SIDT1: variants seen among roughly 807,000 people sequenced by gnomAD.
SIDT1 encodes the protein SID1 transmembrane family member 1.
SIDT1 carries 101 observed loss-of-function variants against 107.5 expected under a neutral mutation model. The observed-to-expected ratio is 0.94, with a 90% CI of 0.80 to 1.11. The LOEUF is 1.11. Among genes scored for constraint, SIDT1 ranks in the 50% least tolerant of loss-of-function variants. The pLI is 0.00. For missense variants in SIDT1, 1,076 were observed against 1,058.2 expected, an observed-to-expected ratio of 1.02 and a Z score of -0.23; for synonymous variants, 395 against 398.2, an observed-to-expected ratio of 0.99 and a Z score of 0.10.
chr3:113,567,710 G>A lies in SIDT1; in HGVS notation c.515G>A (p.Arg172Gln), dbSNP rs148646920. The A allele has an allele frequency of 9.7e-4, 1,566 of 1,613,058 alleles. 2 individuals carry two copies. Among genetic ancestry groups the A allele is most frequent in the Non-Finnish European group, 1.3e-3 (1,495 of 1,179,580 alleles). The change falls in exon 3 of 25, where the codon CGG (arginine) becomes CAG (glutamine). Residue 172 changes from arginine (R) to glutamine (Q), a missense_variant and splice_region_variant. Transcript: ENST00000264852. ...LVTKLKHFQL[R>Q]TNVAFHFTAS... The stretch of plus-strand genomic sequence containing the variant: ...ACCAAGCTGAAGCACTTCCAGCTCC[G>A]GTAAGCGGGACTTTCTCTGTTTACC...
chr3:113,595,223 G>A (rs1560093936), intron 10 of SIDT1, among the ~76,000 whole-genome samples: 1 of 152,074 alleles, frequency 6.6e-6, no homozygotes. Flanking sequence ...ATGTTTAATA[G>A]CATCCTTCAC....
chr3:113,544,171 TTTTGTTTGTTTGTTTG>T lies in SIDT1; in HGVS notation c.222+10952_222+10967del, dbSNP rs139256393. On this transcript the variant is annotated intron_variant, in intron 1 of 24. Coordinates refer to ENST00000264852, the MANE Select transcript of SIDT1 (RefSeq NM_017699.3). ...CATTGCATTTAATTATCATGAGTCT[TTTTGTTTGTTTGTTTG>T]TTTGTTTGTTTGTTTGTTTGTTTAA... is the stretch of plus-strand genomic sequence containing the variant. 2.3e-3 allele frequency among the ~76,000 whole-genome samples: 298 copies of T among 131,808 alleles called. 2 individuals are homozygous for T. Among genetic ancestry groups the T allele is most frequent in the African/African-American group, 8.8e-3 (282 of 31,928 alleles). 86.5% of individuals were successfully genotyped at this position (131,808 alleles called of 152,430 possible).
At chr3:113,562,014 A>G (rs1277965888) in intron 1 of SIDT1, among the ~76,000 whole-genome samples, 3 of 152,334 alleles carry the variant, frequency 2.0e-5, no homozygotes, top group East Asian at 3.9e-4. Context: ...GAGTGTCTGT[A>G]TTACAGCCTC....
chr3:113,593,962 C>T (rs182984323), intron 10 of SIDT1, among the ~76,000 whole-genome samples: 282 of 152,274 alleles, frequency 1.9e-3, no homozygotes, highest in Non-Finnish European at 3.5e-3. Flanking sequence ...TAAATGTCCT[C>T]ATTTTTGAAA....
Position 113,533,194 on chromosome 3 carries a change from T to C in SIDT1, c.173T>C (p.Leu58Pro). Reference sequence around the variant, plus strand: ...CATGTCTACAGCGGGGTGGTGAACCTCAGCACCGAGAACATCTACTCTTTC... The same window carrying C: ...CATGTCTACAGCGGGGTGGTGAACCCCAGCACCGAGAACATCTACTCTTTC... The part of the protein sequence containing the change: ...FDHVYSGVVN[L>P]STENIYSFNY... The change falls in exon 1 of 25, where the codon CTC becomes CCC. Residue 58 changes from leucine to proline, a missense_variant. Leu to Pro is a moderately conservative substitution (Grantham distance 98). Transcript: ENST00000264852. 6.4e-7 allele frequency: 1 copy of C among 1,562,204 alleles called. No homozygotes were observed. Among genetic ancestry groups the C allele is most frequent in the Non-Finnish European group, 8.7e-7 (1 of 1,155,448 alleles).
intron 1 of SIDT1, among the ~76,000 whole-genome samples, chr3:113,544,659 C>G (rs1410338516): frequency 6.6e-6 from 1 of 152,174 alleles, no homozygotes; most frequent in African/African-American, 2.4e-5. Context: ...ACATTTTTGA[C>G]ATAACACGCA....
intron 1 of SIDT1, among the ~76,000 whole-genome samples, chr3:113,541,304 G>A (rs1358430938): frequency 1.3e-5 from 2 of 152,048 alleles, no homozygotes; most frequent in East Asian, 3.9e-4. Context: ...TGAGTAGCTG[G>A]GATTACAGGC....
downstream of SIDT1, among the ~76,000 whole-genome samples, chr3:113,631,567 G>A (rs561355463): frequency 1.3e-5 from 2 of 152,204 alleles, no homozygotes; most frequent in South Asian, 2.1e-4. Context: ...AAGTTTTAAT[G>A]TCTCCTCAAT....
intron 1 of SIDT1, among the ~76,000 whole-genome samples, chr3:113,540,834 T>G (rs1206141581): frequency 2.6e-5 from 4 of 152,158 alleles, no homozygotes; most frequent in Non-Finnish European, 4.4e-5. Context: ...ATAATGCCCT[T>G]AGTCTCCCCT....
intron 20 of SIDT1, among the ~76,000 whole-genome samples, chr3:113,618,412 TA>T (rs1946246993): frequency 1.3e-5 from 2 of 152,348 alleles, no homozygotes; most frequent in Admixed American, 1.3e-4. Flanking sequence ...TGTGTGGACG[TA>T]AGTTTTCAAC....
intron 23 of SIDT1, 73 bp downstream of exon 23, chr3:113,623,806 C>T (rs906315841): frequency 2.1e-6 from 2 of 961,522 alleles, no homozygotes; most frequent in Admixed American, 1.8e-5. Context: ...CTACCTCCCT[C>T]TCTTAATGTG....
chr3:113,610,993 C>T lies in SIDT1; in HGVS notation c.1721-15C>T. 6.2e-7 allele frequency: 1 copy of T among 1,612,546 alleles called. No individual in the cohort carries two copies. The highest frequency in any genetic ancestry group is 8.5e-7 in the Non-Finnish European group (1 of 1,179,176). On this transcript the variant is annotated splice_polypyrimidine_tract_variant and intron_variant, in intron 17 of 24. Coordinates refer to ENST00000264852, the MANE Select transcript of SIDT1 (RefSeq NM_017699.3). ...ACTGAATCCTGATCATCTGGCTCCT[C>T]CTTTGGGTCCTCAGACACCTCCTTC...
intron 10 of SIDT1, chr3:113,601,259 A>C (rs962957179): frequency 1.5e-5 from 3 of 193,634 alleles, no homozygotes; most frequent in African/African-American, 4.6e-5. Flanking sequence ...CACCAATGGA[A>C]ATGATGGCTG....
intron 1 of SIDT1, among the ~76,000 whole-genome samples, chr3:113,550,967 A>T (rs556714377): frequency 6.6e-6 from 1 of 152,120 alleles, no homozygotes; most frequent in East Asian, 1.9e-4. Flanking sequence ...CTATGTGTCC[A>T]TGTGTTCTCA....
intron 7 of SIDT1, 59 bp from the exon 8 acceptor site, chr3:113,584,638 CA>C: frequency 1.1e-4 from 134 of 1,219,114 alleles, no homozygotes; most frequent in African/African-American, 1.2e-4. Flanking sequence ...GACAAGAGAC[CA>C]AAAAAAATCA....
At chr3:113,610,575 A>C (rs114562356) in intron 17 of SIDT1, among the ~76,000 whole-genome samples, 3,239 of 152,242 alleles carry the variant, frequency 0.021, 55 homozygotes, top group South Asian at 0.03. Flanking sequence ...ATTATATTTT[A>C]GGGTGCTGAG....
intron 3 of SIDT1, among the ~76,000 whole-genome samples, chr3:113,575,255 G>A (rs765393162): frequency 3.9e-5 from 6 of 152,222 alleles, no homozygotes; most frequent in African/African-American, 7.2e-5. Flanking sequence ...ATGAGGAACC[G>A]ATGGACTTGA....
chr3:113,621,820 C>A (rs1946480592), intron 21 of SIDT1, among the ~76,000 whole-genome samples: 1 of 152,200 alleles, frequency 6.6e-6, no homozygotes, highest in African/African-American at 2.4e-5. Flanking sequence ...ACTAGCCCAG[C>A]ATTGTCCATT....
chr3:113,592,972 G>C (rs1384738346), intron 9 of SIDT1, 33 bp from the exon 10 acceptor site: 2 of 1,563,702 alleles, frequency 1.3e-6, no homozygotes, highest in Admixed American at 3.3e-5. Context: ...GGTTTTCACT[G>C]TCTTAGGAGC....
Sources: gnomAD v4.1 joint callset for allele counts (sites outside exome capture counted in the v4.1 genomes callset) on GRCh38, gnomAD v4.1.1 for gene constraint, MANE v1.5 for transcripts, NCBI Gene and HGNC (gene_info 2026-07-23, HGNC 2026-07-21) for gene names.